Variants in ZDHHC3 observed in about 807,000 individuals in gnomAD.
ZDHHC3 encodes palmitoyltransferase ZDHHC3.
ZDHHC3 carries 9 observed loss-of-function variants against 30.6 expected under a neutral mutation model. That is an observed-to-expected ratio of 0.29 (90% CI 0.18 to 0.51). ZDHHC3 has a LOEUF of 0.51. Among genes scored for constraint, ZDHHC3 ranks in the 20% least tolerant of loss-of-function variants. The probability of loss-of-function intolerance (pLI) is 0.97; values close to 1 mark genes in which losing one functional copy is unlikely to be tolerated. For missense variants in ZDHHC3, 246 were observed against 384.2 expected, an observed-to-expected ratio of 0.64 and a Z score of 3.01; for synonymous variants, 136 against 140.2, an observed-to-expected ratio of 0.97 and a Z score of 0.21.
intron 1 of ZDHHC3, among the ~76,000 whole-genome samples, chr3:44,966,503 T>G (rs1456658454): frequency 1.3e-5 from 2 of 152,212 alleles, no homozygotes; most frequent in African/African-American, 4.8e-5. Context: ...CAGCTGAAAT[T>G]CACTCTAATC....
intron 6 of ZDHHC3, among the ~76,000 whole-genome samples, chr3:44,928,247 G>A (rs979440260): frequency 3.3e-5 from 5 of 152,158 alleles, no homozygotes; most frequent in South Asian, 2.1e-4. Flanking sequence ...CAAAAGCCCC[G>A]CAACCTTCTA....
Position 44,959,610 on chromosome 3 carries a change from T to C in ZDHHC3, c.-24-150A>G. On this transcript the variant is annotated intron_variant, in intron 1 of 6. Coordinates refer to ENST00000424952, the MANE Select transcript of ZDHHC3 (RefSeq NM_001135179.2). The surrounding 1 kb of genome is among the most constrained non-coding windows in gnomAD (Gnocchi z 4.3). ...TCACCTTGTTCATTTAAAACATGAG[T>C]TCTCTTCCCTGATTCTGAGAGTCAA... The C allele has an allele frequency of 1.5e-6, 1 of 654,914 alleles. No homozygotes were observed. 40.6% of individuals were successfully genotyped at this position (654,914 alleles called of 1,614,324 possible).
At chr3:44,929,201 G>T (rs1418399987) in intron 6 of ZDHHC3, 105 bp downstream of exon 6, 1 of 1,453,986 alleles carries the variant, frequency 6.9e-7, no homozygotes, top group South Asian at 1.3e-5. Flanking sequence ...CCAGGGGCCT[G>T]ACCACTGGGC....
At chr3:44,969,133 A>C (rs1326829270) in intron 1 of ZDHHC3, among the ~76,000 whole-genome samples, 1 of 152,224 alleles carries the variant, frequency 6.6e-6, no homozygotes, top group African/African-American at 2.4e-5. Context: ...TGATACTCTC[A>C]TAGTTTGTGA....
At chr3:44,927,269 C>T (rs919267041) in intron 6 of ZDHHC3, among the ~76,000 whole-genome samples, 6 of 152,156 alleles carry the variant, frequency 3.9e-5, no homozygotes, top group Admixed American at 1.3e-4. Flanking sequence ...GGGGAGCTCG[C>T]AATCATCATA....
At chr3:44,947,744 T>C (rs147495646) in intron 2 of ZDHHC3, among the ~76,000 whole-genome samples, 4 of 152,370 alleles carry the variant, frequency 2.6e-5, no homozygotes, top group Non-Finnish European at 5.9e-5. Context: ...TTCTACTCTA[T>C]AGCCAGGGCT....
At chr3:44,966,997 C>G (rs1322565256) in intron 1 of ZDHHC3, among the ~76,000 whole-genome samples, 1 of 152,024 alleles carries the variant, frequency 6.6e-6, no homozygotes, top group Non-Finnish European at 1.5e-5. Flanking sequence ...TCTTTGCTAC[C>G]AACAAGTCTA....
At position 44,917,040 on chromosome 3, in the gene ZDHHC3, T is replaced by G. The variant is rs191946502; in HGVS notation, c.*9649A>C. ...GAGGTAACATTCAATTAAGTTCTCA[T>G]GCGAGTGGTTAGGGAGTCCCCAGTA... is the stretch of plus-strand genomic sequence containing the variant. On this transcript the variant is annotated 3_prime_UTR_variant, in exon 7 of 7. Coordinates refer to ENST00000424952, the MANE Select transcript of ZDHHC3 (RefSeq NM_001135179.2). 5.9e-5 allele frequency: 9 copies of G among 152,184 alleles called. No individual in the cohort carries two copies. Among genetic ancestry groups the G allele is most frequent in the Admixed American group, 2.0e-4 (3 of 15,276 alleles). The allele number at this position is 152,184 out of a possible 1,614,324, so 9.4% of individuals were successfully genotyped here. A position where few individuals can be genotyped will look rare whatever the true frequency, so the allele number is the denominator to read the frequency against.
rs1700568795 is a variant in ZDHHC3 at position 44,921,236 on chromosome 3, AG to A, written c.*5452del. On this transcript the variant is annotated 3_prime_UTR_variant, in exon 7 of 7. Transcript: ENST00000424952. ...TAGGACTAAGGCTCCCGAGGAAGGA[AG>A]AGTCTGTGCAGAACAGACTCAGCTG... The A allele has an allele frequency of 1.2e-6, 1 of 863,194 alleles. No homozygotes were observed. Among genetic ancestry groups the A allele is most frequent in the South Asian group, 6.0e-5 (1 of 16,698 alleles). The allele number at this position is 863,194 out of a possible 1,614,324, so 53.5% of individuals were successfully genotyped here. A position where few individuals can be genotyped will look rare whatever the true frequency, so the allele number is the denominator to read the frequency against.
intron 2 of ZDHHC3, among the ~76,000 whole-genome samples, chr3:44,947,334 T>G (rs1421118991): frequency 6.6e-6 from 1 of 152,126 alleles, no homozygotes; most frequent in African/African-American, 2.4e-5. Context: ...AGAGAGAAGA[T>G]CAGTCAGTGG....
chr3:44,970,981 T>C (rs1705356556), intron 1 of ZDHHC3, among the ~76,000 whole-genome samples: 1 of 152,244 alleles, frequency 6.6e-6, no homozygotes, highest in South Asian at 2.1e-4. Context: ...AGCAAGTTAA[T>C]AGCAAAGCCC....
rs1553691497 is a variant in ZDHHC3 at position 44,955,457 on chromosome 3, T to TTTTA, written c.306+3673_306+3674insTAAA. 4.2e-5 allele frequency among the ~76,000 whole-genome samples: 6 copies of TTTTA among 143,962 alleles called. No individual in the cohort carries two copies. The East Asian group carries it at 8.1e-4, about 20-fold the overall frequency. The allele number at this position is 143,962 out of a possible 152,430, so 94.4% of individuals were successfully genotyped here. A position where few individuals can be genotyped will look rare whatever the true frequency, so the allele number is the denominator to read the frequency against. ...CTGCTTGAGGGAGACCACAAGGTTT[T>TTTTA]TATATATATATATATATATGTATAT... On this transcript the variant is annotated intron_variant, in intron 2 of 6. Coordinates refer to ENST00000424952, the MANE Select transcript of ZDHHC3 (RefSeq NM_001135179.2).
chr3:44,935,509 G>T (rs1169278120), intron 3 of ZDHHC3, among the ~76,000 whole-genome samples: 1 of 152,214 alleles, frequency 6.6e-6, no homozygotes, highest in African/African-American at 2.4e-5. Flanking sequence ...CAATCCACCT[G>T]CTTTGGCCTC....
chr3:44,940,169 C>T (rs1480293925), intron 3 of ZDHHC3, among the ~76,000 whole-genome samples: 2 of 152,198 alleles, frequency 1.3e-5, no homozygotes, highest in African/African-American at 4.8e-5. Flanking sequence ...TGGACCTCCC[C>T]CCACAACTCC....
At chr3:44,966,864 T>C (rs1704994013) in intron 1 of ZDHHC3, among the ~76,000 whole-genome samples, 1 of 152,192 alleles carries the variant, frequency 6.6e-6, no homozygotes, top group South Asian at 2.1e-4. Flanking sequence ...ACTAAACTTT[T>C]TCAAAAAGGT....
chr3:44,928,566 T>C (rs1701206875), intron 6 of ZDHHC3, among the ~76,000 whole-genome samples: 1 of 152,134 alleles, frequency 6.6e-6, no homozygotes, highest in South Asian at 2.1e-4. Context: ...CCCTTCTTCC[T>C]ATGTAAATCC....
At chr3:44,955,457 T>A (rs11711118) in intron 2 of ZDHHC3, among the ~76,000 whole-genome samples, 9,000 of 143,924 alleles carry the variant, frequency 0.063, 407 homozygotes, top group Non-Finnish European at 0.092. Flanking sequence ...CACAAGGTTT[T>A]TATATATATA....
chr3:44,945,669 T>C (rs1702861763), intron 2 of ZDHHC3, among the ~76,000 whole-genome samples: 1 of 152,146 alleles, frequency 6.6e-6, no homozygotes, highest in Non-Finnish European at 1.5e-5. Context: ...GCGATTTTCC[T>C]GCTTCAGCCT....
chr3:44,934,910 A>G (rs1006273141), intron 3 of ZDHHC3, among the ~76,000 whole-genome samples: 3 of 151,924 alleles, frequency 2.0e-5, no homozygotes, highest in African/African-American at 7.3e-5. Context: ...AAAAAAAAAA[A>G]AAAAAAGTCA....
Sources: gnomAD v4.1 joint callset for allele counts (sites outside exome capture counted in the v4.1 genomes callset) on GRCh38, gnomAD v4.1.1 for gene constraint, Gnocchi (gnomAD v3.1) non-coding constraint, MANE v1.5 for transcripts, NCBI Gene and HGNC (gene_info 2026-07-23, HGNC 2026-07-21) for gene names.